NBPF8: variants seen among roughly 807,000 people sequenced by gnomAD.
NBPF8 encodes the protein NBPF member 8, also known as NBPF family member NBPF8.
rs1218419250 is a variant in NBPF8 at position 120,422,392 on chromosome 1, GCCT to G, written n.269+2282_269+2284del. The stretch of plus-strand genomic sequence containing the variant: ...AATTCCCTGTACTTCACCATTTCGT[GCCT>G]CCTCCTCTCCTCCACCCCTGACAAC... On this transcript the variant is annotated intron_variant and non_coding_transcript_variant, in intron 1 of 28. Coordinates refer to the NBPF8 transcript ENST00000652355. Among the ~76,000 whole-genome samples the G allele has an allele frequency of 1.1e-3, 155 of 147,220 alleles. 4 individuals carry two copies. Among genetic ancestry groups the G allele is most frequent in the African/African-American group, 3.8e-3 (146 of 38,550 alleles).
At chr1:120,450,042 C>A (rs1411781032) in intron 11 of NBPF8, among the ~76,000 whole-genome samples, 2 of 152,000 alleles carry the variant, frequency 1.3e-5, no homozygotes, top group African/African-American at 4.8e-5. Flanking sequence ...GCCTGGGCAA[C>A]ATGGAGAAAC....
chr1:120,425,385 G>A (rs1292633202), intron 1 of NBPF8, among the ~76,000 whole-genome samples: 2 of 152,052 alleles, frequency 1.3e-5, no homozygotes, highest in Non-Finnish European at 2.9e-5. Context: ...AAGGCATTGA[G>A]ATGTTTCTGT....
upstream of NBPF8, among the ~76,000 whole-genome samples, chr1:120,415,061 C>A (rs1224199897): frequency 6.6e-6 from 1 of 151,956 alleles, no homozygotes; most frequent in African/African-American, 2.4e-5. Context: ...AGCCAGCTGG[C>A]TCAGGCTATG....
upstream of NBPF8, among the ~76,000 whole-genome samples, chr1:120,434,504 C>T (rs1414638953): frequency 6.8e-6 from 1 of 147,994 alleles, no homozygotes; most frequent in Non-Finnish European, 1.5e-5. Flanking sequence ...CTATCCCTCC[C>T]CCAGCCCTCA....
At chr1:120,463,144 G>C (rs1418652305) in intron 21 of NBPF8, among the ~76,000 whole-genome samples, 178 bp downstream of exon 19, 1 of 150,760 alleles carries the variant, frequency 6.6e-6, no homozygotes, top group East Asian at 2.0e-4. Flanking sequence ...ACATGAAATG[G>C]GTCAGTGAGC....
At chr1:120,418,795 A>G (rs1474114652), upstream of NBPF8, among the ~76,000 whole-genome samples, 1 of 149,074 alleles carries the variant, frequency 6.7e-6, no homozygotes, top group Non-Finnish European at 1.5e-5. Flanking sequence ...TGACCCTCCC[A>G]CCTTGGCATC....
chr1:120,425,150 G>A (rs1477440481), intron 1 of NBPF8, among the ~76,000 whole-genome samples: 11 of 152,072 alleles, frequency 7.2e-5, no homozygotes, highest in Non-Finnish European at 1.6e-4. Flanking sequence ...AGACCTGACT[G>A]TCCCCCAGCC....
In NBPF8 at chr1:120,454,193, C is replaced by T. The variant is rs1403263350; in HGVS notation, n.2568+79C>T. On this transcript the variant is annotated intron_variant and non_coding_transcript_variant, in intron 15 of 24. Transcript: ENST00000583271. ...ACTCTGAAGACAGGCTCTATAAACA[C>T]AAATTCATTTGAATAAAAAACTGTG... The T allele has an allele frequency of 2.0e-6, 3 of 1,486,094 alleles. No homozygotes were observed. The Admixed American group carries it at 5.8e-5, about 29-fold the overall frequency. The allele number at this position is 1,486,094 out of a possible 1,614,324, so 92.1% of individuals were successfully genotyped here. A position where few individuals can be genotyped will look rare whatever the true frequency, so the allele number is the denominator to read the frequency against.
At chr1:120,415,170 C>G (rs1339191174), upstream of NBPF8, among the ~76,000 whole-genome samples, 1 of 152,138 alleles carries the variant, frequency 6.6e-6, no homozygotes, top group African/African-American at 2.4e-5. Context: ...TTTGGGAACG[C>G]GGGACGGGCG....
rs1320157925 is a variant in NBPF8 at position 120,454,230 on chromosome 1, A to C, written n.2568+116A>C. On this transcript the variant is annotated intron_variant and non_coding_transcript_variant, in intron 15 of 24. Transcript: ENST00000583271. ...AATAAAAAACTGTGATGGGTTTCTA[A>C]ACAGATATCAGGGAGTTTTTTTGTC... 706 of 1,524,738 alleles carry C rather than the reference A, an allele frequency of 4.6e-4. 6 individuals carry two copies. Among genetic ancestry groups the C allele is most frequent in the South Asian group, 3.2e-4 (28 of 86,304 alleles). The allele number at this position is 1,524,738 out of a possible 1,614,324, so 94.5% of individuals were successfully genotyped here.
intron 1 of NBPF8, among the ~76,000 whole-genome samples, chr1:120,420,604 C>T (rs1184785172): frequency 1.3e-5 from 2 of 149,616 alleles, no homozygotes; most frequent in Non-Finnish European, 3.0e-5. Flanking sequence ...TAGATGTGTC[C>T]AGGATGGGGA....
intron 12 of NBPF8, 43 bp from the exon 11 acceptor site, chr1:120,452,074 C>A (rs1553248909): frequency 7.0e-7 from 1 of 1,425,802 alleles, no homozygotes; most frequent in African/African-American, 1.4e-5. Context: ...GCGGATCACT[C>A]AACCCTTTCC....
At chr1:120,420,831 G>A (rs1480756432) in intron 1 of NBPF8, among the ~76,000 whole-genome samples, 4 of 148,872 alleles carry the variant, frequency 2.7e-5, no homozygotes, top group African/African-American at 7.6e-5. Context: ...ACCCCATAAC[G>A]AGTAAATCTC....
chr1:120,433,446 CA>C (rs1660944071), upstream of NBPF8: 2 of 152,480 alleles, frequency 1.3e-5, no homozygotes, highest in African/African-American at 4.8e-5. Context: ...AAAAATCCAT[CA>C]AAACAAAAAA....
chr1:120,428,639 C>A (rs1660787179), intron 3 of NBPF8, among the ~76,000 whole-genome samples: 1 of 152,152 alleles, frequency 6.6e-6, no homozygotes, highest in Non-Finnish European at 1.5e-5. Flanking sequence ...GACAAATGAG[C>A]AGCCGACAGT....
chr1:120,467,658 A>G (rs1429749238), exon 25 of NBPF8: 14 of 148,346 alleles, frequency 9.4e-5, no homozygotes, highest in African/African-American at 3.2e-4. Flanking sequence ...TGTTGCAAAA[A>G]GAAGAAAACA....
At chr1:120,454,093 G>T (rs1553249386) in exon 15 of NBPF8, 93 of 1,612,960 alleles carry the variant, frequency 5.8e-5, no homozygotes, top group Non-Finnish European at 7.5e-5. Context: ...TGAATGGGAG[G>T]ATGCTGTACA....
intron 18 of NBPF8, among the ~76,000 whole-genome samples, chr1:120,461,014 AACTG>A (rs1661571557): frequency 1.2e-5 from 1 of 86,438 alleles, no homozygotes. Flanking sequence ...ACTGAGCTCG[AACTG>A]TGTGTGTGTG....
At chr1:120,454,419 A>G (rs1287319664) in intron 15 of NBPF8, among the ~76,000 whole-genome samples, 2 of 151,870 alleles carry the variant, frequency 1.3e-5, no homozygotes, top group Non-Finnish European at 2.9e-5. Flanking sequence ...TCTGTGATTA[A>G]GTCATCTGTC....
Sources: gnomAD v4.1 joint callset for allele counts (sites outside exome capture counted in the v4.1 genomes callset) on GRCh38, gnomAD v4.1.1 for gene constraint, MANE v1.5 for transcripts, NCBI Gene and HGNC (gene_info 2026-07-23, HGNC 2026-07-21) for gene names.